The following ADGRA3 variants were observed in gnomAD, a reference collection of about 807,000 sequenced individuals.
The protein encoded by ADGRA3 is adhesion G protein-coupled receptor A3.
A neutral mutation model predicts 119.8 loss-of-function variants in ADGRA3; 56 were observed. That is an observed-to-expected ratio of 0.47 (90% confidence interval 0.38 to 0.58). The LOEUF is 0.58. Among genes scored for constraint, ADGRA3 ranks in the 20% least tolerant of loss-of-function variants. The pLI is 0.00. For synonymous variants in ADGRA3, 607 were observed against 623.8 expected (o/e 0.97, Z 0.40); for missense variants, 1,516 against 1,649.0 (o/e 0.92, Z 1.40).
At chr4:22,499,897 T>C (rs1718989226) in intron 1 of ADGRA3, among the ~76,000 whole-genome samples, 1 of 152,218 alleles carries the variant, frequency 6.6e-6, no homozygotes, top group African/African-American at 2.4e-5. Flanking sequence ...ATAGCCCTCA[T>C]TCTAAATGTC....
intron 2 of ADGRA3, among the ~76,000 whole-genome samples, chr4:22,469,387 A>G (rs1244875208): frequency 2.0e-5 from 3 of 152,210 alleles, no homozygotes; most frequent in Non-Finnish European, 4.4e-5. Context: ...AAAATGTCCA[A>G]CACACAGTAA....
intron 17 of ADGRA3, among the ~76,000 whole-genome samples, chr4:22,392,334 T>C (rs1010777642): frequency 2.0e-5 from 3 of 152,198 alleles, no homozygotes; most frequent in Non-Finnish European, 4.4e-5. Flanking sequence ...GCCCCACTTT[T>C]GAGATGATCT....
chr4:22,451,332 T>A (rs1295582745), intron 4 of ADGRA3, among the ~76,000 whole-genome samples: 2 of 152,096 alleles, frequency 1.3e-5, no homozygotes, highest in African/African-American at 4.8e-5. Flanking sequence ...TCTGCAGATC[T>A]CCTGACATTT....
chr4:22,398,423 A>T (rs911424290), intron 16 of ADGRA3, among the ~76,000 whole-genome samples: 1 of 152,156 alleles, frequency 6.6e-6, no homozygotes, highest in African/African-American at 2.4e-5. Context: ...TGATAAGTAC[A>T]TAAGAATCTA....
intron 4 of ADGRA3, among the ~76,000 whole-genome samples, chr4:22,452,366 C>T (rs971286262): frequency 6.6e-6 from 1 of 152,064 alleles, no homozygotes; most frequent in Non-Finnish European, 1.5e-5. Flanking sequence ...ATGCCTGTAA[C>T]AAAACTGCAC....
chr4:22,397,270 C>T (rs11940420), intron 16 of ADGRA3, among the ~76,000 whole-genome samples: 99,184 of 148,984 alleles, frequency 0.67, 33,819 homozygotes, highest in Non-Finnish European at 0.75. Context: ...CAACCTCTGC[C>T]TCCCAGATTC....
intron 17 of ADGRA3, among the ~76,000 whole-genome samples, chr4:22,390,972 G>A (rs978680205): frequency 6.6e-6 from 1 of 151,928 alleles, no homozygotes; most frequent in Non-Finnish European, 1.5e-5. Context: ...TGGGGCCACG[G>A]AGCACCCCTG....
chr4:22,475,459 G>T (rs1437069567), intron 1 of ADGRA3, among the ~76,000 whole-genome samples: 1 of 152,170 alleles, frequency 6.6e-6, no homozygotes, highest in Non-Finnish European at 1.5e-5. Context: ...GAGGCCGGGG[G>T]CGGCGGCTCA....
At chr4:22,419,614 G>C (rs926454085) in intron 12 of ADGRA3, among the ~76,000 whole-genome samples, 2 of 152,098 alleles carry the variant, frequency 1.3e-5, no homozygotes, top group Non-Finnish European at 2.9e-5. Context: ...GTAGGGTTTC[G>C]TCATTTTTAA....
chr4:22,473,026 G>GA (rs1184248809), intron 2 of ADGRA3: 2 of 152,110 alleles, frequency 1.3e-5, no homozygotes, highest in African/African-American at 4.8e-5. Context: ...TAATTGCTAA[G>GA]AAAAATATAT....
chr4:22,476,088 T>A (rs1718033135), intron 1 of ADGRA3, among the ~76,000 whole-genome samples: 1 of 152,156 alleles, frequency 6.6e-6, no homozygotes, highest in Non-Finnish European at 1.5e-5. Flanking sequence ...GAAAACATGG[T>A]GACCAAAAAC....
At chr4:22,403,346 AG>A (rs1714752288) in intron 14 of ADGRA3, among the ~76,000 whole-genome samples, 1 of 152,112 alleles carries the variant, frequency 6.6e-6, no homozygotes, top group African/African-American at 2.4e-5. Context: ...TGAAAATCAC[AG>A]GGGAGACACA....
chr4:22,470,442 G>A (rs550483730), intron 2 of ADGRA3, among the ~76,000 whole-genome samples: 1 of 151,956 alleles, frequency 6.6e-6, no homozygotes, highest in East Asian at 1.9e-4. Flanking sequence ...TAGTTCAACG[G>A]AGCCAGCTCT....
chr4:22,464,328 A>G (rs1032292012), intron 2 of ADGRA3, among the ~76,000 whole-genome samples: 2 of 152,300 alleles, frequency 1.3e-5, no homozygotes, highest in East Asian at 3.9e-4. Flanking sequence ...TTTTCTAAAT[A>G]AAGTATCTGA....
intron 1 of ADGRA3, among the ~76,000 whole-genome samples, chr4:22,495,179 G>C (rs6851751): frequency 1.2e-4 from 19 of 152,050 alleles, no homozygotes; most frequent in African/African-American, 3.6e-4. Flanking sequence ...GCAGGTAGCA[G>C]AGACAGCATG....
chr4:22,408,066 T>G (rs925539728), intron 14 of ADGRA3, among the ~76,000 whole-genome samples: 1 of 152,228 alleles, frequency 6.6e-6, no homozygotes, highest in African/African-American at 2.4e-5. Flanking sequence ...TATGACTTAC[T>G]TCTATGTTGC....
intron 2 of ADGRA3, among the ~76,000 whole-genome samples, chr4:22,467,153 T>C (rs183330766): frequency 9.1e-4 from 139 of 152,306 alleles, no homozygotes; most frequent in Admixed American, 9.0e-3. Context: ...GAAAAAACGA[T>C]GGCATATTCT....
Position 22,401,550 on chromosome 4 carries a change from T to C in ADGRA3, c.2362A>G (p.Ile788Val), listed in dbSNP as rs765263100. The change falls in exon 16 of 19, where the codon ATT (isoleucine) becomes GTT (valine). Residue 788 changes from isoleucine (I) to valine (V), a missense_variant. This residue lies in a region of ADGRA3 where 1,088 missense variants were observed against 1,107.1 expected (regional missense o/e 0.98). Coordinates refer to ENST00000334304, the MANE Select transcript of ADGRA3 (RefSeq NM_145290.4). Reference sequence around the variant, plus strand: ...TGCCAGCTCTTGAGGCTGATTCTAATCAAACTGTTTAAAAAAGAGAGAAAA... The same window carrying C: ...TGCCAGCTCTTGAGGCTGATTCTAACCAAACTGTTTAAAAAAGAGAGAAAA... ...IVSYIYHHSL[I>V]RISLKSWHML... 3 of 1,602,034 alleles carry C rather than the reference T, an allele frequency of 1.9e-6. No homozygotes were observed. Among genetic ancestry groups the C allele is most frequent in the South Asian group, 2.3e-5 (2 of 88,644 alleles).
chr4:22,459,015 A>T (rs1717347166), intron 3 of ADGRA3, among the ~76,000 whole-genome samples: 1 of 152,174 alleles, frequency 6.6e-6, no homozygotes, highest in African/African-American at 2.4e-5. Flanking sequence ...TAAAAGACAA[A>T]GAGAAAATCC....
Sources: gnomAD v4.1 joint callset for allele counts (sites outside exome capture counted in the v4.1 genomes callset) on GRCh38, gnomAD v4.1.1 for gene constraint, gnomAD v4.1.1 regional missense constraint, MANE v1.5 for transcripts, NCBI Gene and HGNC (gene_info 2026-07-23, HGNC 2026-07-21) for gene names.